The following SMG1 variants were observed in gnomAD, a reference collection of about 807,000 sequenced individuals.
SMG1 encodes the protein serine/threonine-protein kinase SMG1.
In SMG1, 22 loss-of-function variants were observed where a neutral mutation model predicts 419.9. The observed-to-expected ratio is 0.05, with a 90% CI of 0.04 to 0.07. SMG1 has a LOEUF of 0.07. Ranked by LOEUF, SMG1 falls within the 10% of genes least tolerant of loss-of-function variation. SMG1 has a pLI of 1.00. For synonymous variants in SMG1, 1,538 were observed against 1,553.5 expected (o/e 0.99, Z 0.23); for missense variants, 3,185 against 4,342.0 (o/e 0.73, Z 7.49).
At chr16:18,818,288 G>A (rs2032199303) in intron 56 of SMG1, among the ~76,000 whole-genome samples, 1 of 152,112 alleles carries the variant, frequency 6.6e-6, no homozygotes, top group African/African-American at 2.4e-5. Flanking sequence ...GGGAGGCTGA[G>A]GCAGGAGAAT....
At chr16:18,899,319 G>C (rs1179626570) in intron 1 of SMG1, among the ~76,000 whole-genome samples, 1 of 151,760 alleles carries the variant, frequency 6.6e-6, no homozygotes, top group African/African-American at 2.4e-5. Flanking sequence ...AATCCCCTAA[G>C]TTATGAACAC....
chr16:18,816,310 T>C lies in SMG1; in HGVS notation c.10294A>G (p.Met3432Val). 6.2e-7 allele frequency: 1 copy of C among 1,613,374 alleles called. No homozygotes were observed. Among genetic ancestry groups the C allele is most frequent in the Non-Finnish European group, 8.5e-7 (1 of 1,179,428 alleles). Residue 3432 changes from methionine (M) to valine (V), a missense_variant, in exon 58 of 63, where the codon ATG becomes GTG. Physicochemically the swap from Met to Val is conservative, Grantham distance 21. Transcript: ENST00000446231. ...LGDVKHLLKA[M>V]AKDEEAALAD... ...CATGGTATTAGTCTTACCTTAGCCA[T>C]AGCTTTCAAGAGATGTTTGACATCT...
rs1030481384 is a variant in SMG1 at position 18,879,431 on chromosome 16, T to C, written c.1518+64A>G. The C allele has an allele frequency of 1.2e-5, 15 of 1,255,878 alleles. No homozygotes were observed. The African/African-American group carries it at 1.9e-4, about 16-fold the overall frequency. 77.8% of individuals were successfully genotyped at this position (1,255,878 alleles called of 1,614,324 possible). A position where few individuals can be genotyped will look rare whatever the true frequency, so the allele number is the denominator to read the frequency against. On this transcript the variant is annotated intron_variant, in intron 11 of 62. Coordinates refer to ENST00000446231, the MANE Select transcript of SMG1 (RefSeq NM_015092.5). ...TGCCCAGACAAAGCCCTTAATTTCT[T>C]ACATATCGATTTAAGGGCCTGAATA...
At position 18,896,013 on chromosome 16, in the gene SMG1, G is replaced by A. The variant is rs892279335; in HGVS notation, c.412+39C>T. On this transcript the variant is annotated intron_variant, in intron 3 of 62. Transcript: ENST00000446231. ...GAATAAGAGGAGATACAAGTCTTTG[G>A]AAGGTGTATGTGATTGGTCCCCGTT... is the stretch of plus-strand genomic sequence containing the variant. The A allele has an allele frequency of 3.2e-6, 5 of 1,584,576 alleles. 1 individual carries two copies. The South Asian group carries it at 4.4e-5, about 14-fold the overall frequency.
intron 36 of SMG1, among the ~76,000 whole-genome samples, 174 bp from the exon 37 acceptor site, chr16:18,848,207 G>A (rs1291911309): frequency 6.6e-6 from 1 of 152,122 alleles, no homozygotes; most frequent in Non-Finnish European, 1.5e-5. Flanking sequence ...TATAGGTTGA[G>A]CTTTCATATT....
chr16:18,841,548 T>C lies in SMG1; in HGVS notation c.6696+17A>G. 1.2e-6 allele frequency: 2 copies of C among 1,604,410 alleles called. No homozygotes were observed. The highest frequency in any genetic ancestry group is 1.7e-6 in the Non-Finnish European group (2 of 1,171,142). ...ACAGAGAATAGACTAATACACTGTG[T>C]AGATGATTTAATCAACCTTTTGTGC... On this transcript the variant is annotated intron_variant, in intron 41 of 62. Coordinates refer to ENST00000446231, the MANE Select transcript of SMG1 (RefSeq NM_015092.5).
intron 25 of SMG1, among the ~76,000 whole-genome samples, chr16:18,862,911 C>T (rs1280516334): frequency 6.6e-6 from 1 of 152,246 alleles, no homozygotes; most frequent in Non-Finnish European, 1.5e-5. Context: ...TCCTGATGGG[C>T]ATGCCTTGAC....
chr16:18,886,667 T>A (rs2036625263), intron 6 of SMG1, among the ~76,000 whole-genome samples: 1 of 152,016 alleles, frequency 6.6e-6, no homozygotes, highest in African/African-American at 2.4e-5. Flanking sequence ...CAGAGCACAG[T>A]GGCACATGCC....
intron 6 of SMG1, 94 bp downstream of exon 6, chr16:18,889,276 CTA>C (rs1277208721): frequency 8.9e-5 from 42 of 470,840 alleles, no homozygotes; most frequent in African/African-American, 7.4e-4. Context: ...AACCCCTATT[CTA>C]TGTTTCCCTT....
intron 22 of SMG1, among the ~76,000 whole-genome samples, chr16:18,867,697 C>CTTTTTTTTT (rs1257464866): frequency 8.0e-6 from 1 of 125,434 alleles, no homozygotes. Flanking sequence ...ATTATTTTAA[C>CTTTTTTTTT]TTCTTTTTTT....
In SMG1 at chr16:18,854,677, T is replaced by C. The variant is rs756861857; in HGVS notation, c.4462A>G (p.Thr1488Ala). Reference sequence around the variant, plus strand: ...TAACCTGCTGTATAAAGCAATTTGGTTTTTTCAATATCAAGTTCGGGCCCC... The same window carrying C: ...TAACCTGCTGTATAAAGCAATTTGGCTTTTTCAATATCAAGTTCGGGCCCC... ...KWGPELDIEKTKLLYTAGQST... is the reference protein window; with the variant it reads ...KWGPELDIEKAKLLYTAGQST... The change falls in exon 30 of 63, where the codon ACC becomes GCC. Residue 1488 changes from threonine (T) to alanine (A), a missense_variant. Thr to Ala is a moderately conservative substitution (Grantham distance 58, BLOSUM62 0). Around this residue, in one of 27 missense-constraint regions of SMG1, gnomAD observed 493 missense variants for 552.9 expected, o/e 0.89. Coordinates refer to ENST00000446231, the MANE Select transcript of SMG1 (RefSeq NM_015092.5). 5 of 1,613,468 alleles carry C rather than the reference T, an allele frequency of 3.1e-6. No homozygotes were observed. Among genetic ancestry groups the C allele is most frequent in the East Asian group, 2.2e-5 (1 of 44,890 alleles).
At chr16:18,846,113 C>G (rs1482367071) in intron 38 of SMG1, among the ~76,000 whole-genome samples, 1 of 152,032 alleles carries the variant, frequency 6.6e-6, no homozygotes, top group Non-Finnish European at 1.5e-5. Context: ...CGTGTCCAGC[C>G]AAGAATTTTT....
At chr16:18,818,014 G>A (rs1440952350) in intron 56 of SMG1, among the ~76,000 whole-genome samples, 2 of 151,110 alleles carry the variant, frequency 1.3e-5, no homozygotes, top group Admixed American at 6.6e-5. Context: ...CAATCCTACC[G>A]CCTTAGTCTC....
chr16:18,894,061 A>G (rs1049558999), intron 3 of SMG1, among the ~76,000 whole-genome samples: 5 of 41,594 alleles, frequency 1.2e-4, no homozygotes, highest in Non-Finnish European at 2.5e-4. Context: ...CATCTCATAA[A>G]TAAATAAATA....
At chr16:18,876,597 T>C (rs1293824030) in intron 12 of SMG1, among the ~76,000 whole-genome samples, 1 of 151,480 alleles carries the variant, frequency 6.6e-6, no homozygotes, top group Non-Finnish European at 1.5e-5. Context: ...TTCAAGTCTA[T>C]AAAGTTTTAT....
In SMG1 at chr16:18,889,109, C is replaced by A. The variant is rs187656377; in HGVS notation, c.822+263G>T. Among the ~76,000 whole-genome samples, 133 of 152,314 alleles carry A rather than the reference C, an allele frequency of 8.7e-4. 1 individual carries two copies. The highest frequency in any genetic ancestry group is 1.3e-3 in the Non-Finnish European group (86 of 68,038). ...AAAGTGCTGGGATTACAGGCGTGAG[C>A]CACCGCACCTGGCGTGTAAGCCAAT... On this transcript the variant is annotated intron_variant, in intron 6 of 62. Transcript: ENST00000446231.
chr16:18,911,888 C>T (rs1210761810), intron 1 of SMG1, among the ~76,000 whole-genome samples: 2 of 151,996 alleles, frequency 1.3e-5, no homozygotes, highest in African/African-American at 4.8e-5. Flanking sequence ...TTGAGACCAG[C>T]CTGGCCAACA....
At chr16:18,851,424 C>T (rs989528787) in intron 33 of SMG1, among the ~76,000 whole-genome samples, 7 of 152,222 alleles carry the variant, frequency 4.6e-5, no homozygotes, top group Admixed American at 2.0e-4. Flanking sequence ...CGCGCACACA[C>T]GTCTCATTCA....
chr16:18,848,516 G>C (rs989642202), intron 36 of SMG1, among the ~76,000 whole-genome samples: 1 of 151,828 alleles, frequency 6.6e-6, no homozygotes, highest in African/African-American at 2.4e-5. Flanking sequence ...ATGTTGTCCA[G>C]GCTGGTCTCA....
Sources: allele counts gnomAD v4.1 joint callset (sites outside exome capture counted in the v4.1 genomes callset), GRCh38; gene constraint gnomAD v4.1.1; regional missense constraint gnomAD v4.1.1; transcripts MANE v1.5; gene names NCBI Gene and HGNC (gene_info 2026-07-23, HGNC 2026-07-21).